The following KCNK13 variants were observed in gnomAD, a reference collection of about 807,000 sequenced individuals.
The protein encoded by KCNK13 is potassium channel subfamily K member 13.
In KCNK13, 12 loss-of-function variants were observed where a neutral mutation model predicts 23.4. That is an observed-to-expected ratio of 0.51 (90% confidence interval 0.33 to 0.83). KCNK13 has a LOEUF of 0.83. Ranked by LOEUF, KCNK13 falls within the 40% of genes least tolerant of loss-of-function variation. The pLI is 0.02. For missense variants in KCNK13, 463 were observed against 556.3 expected, an observed-to-expected ratio of 0.83 and a Z score of 1.69; for synonymous variants, 231 against 229.5, an observed-to-expected ratio of 1.01 and a Z score of -0.06.
Position 90,143,189 on chromosome 14 carries a change from TCTTTCTTTCTTTTCTTTCTTTTC to T in KCNK13, c.335-40921_335-40899del, listed in dbSNP as rs1566644787. ...TTTCTTTCTTTCTTTTCTTTTCTTT[TCTTTCTTTCTTTTCTTTCTTTTC>T]TTTTTTTTTTTTTGAGACAGGGTCT... On this transcript the variant is annotated intron_variant, in intron 1 of 1. Coordinates refer to ENST00000282146, the MANE Select transcript of KCNK13 (RefSeq NM_022054.4). 1.6e-3 allele frequency among the ~76,000 whole-genome samples: 209 copies of T among 133,138 alleles called. 4 individuals carry two copies. The highest frequency in any genetic ancestry group is 8.9e-3 in the East Asian group (41 of 4,608). The allele number at this position is 133,138 out of a possible 152,430, so 87.3% of individuals were successfully genotyped here.
At chr14:90,099,810 G>A (rs1889452956) in intron 1 of KCNK13, among the ~76,000 whole-genome samples, 1 of 152,174 alleles carries the variant, frequency 6.6e-6, no homozygotes, top group Non-Finnish European at 1.5e-5. Context: ...TCAAGGGGGA[G>A]GGTCCCAAAG....
chr14:90,170,873 C>G (rs1480624454), intron 1 of KCNK13, among the ~76,000 whole-genome samples: 2 of 152,128 alleles, frequency 1.3e-5, no homozygotes, highest in Non-Finnish European at 2.9e-5. Flanking sequence ...GATAAGCTAT[C>G]AATTTGCATT....
At chr14:90,099,930 A>G (rs1889454108) in intron 1 of KCNK13, among the ~76,000 whole-genome samples, 1 of 152,060 alleles carries the variant, frequency 6.6e-6, no homozygotes, top group South Asian at 2.1e-4. Context: ...TACACACAAA[A>G]CTCACATCTC....
chr14:90,120,410 CT>C (rs1889724987), intron 1 of KCNK13, among the ~76,000 whole-genome samples: 1 of 152,124 alleles, frequency 6.6e-6, no homozygotes, highest in Non-Finnish European at 1.5e-5. Flanking sequence ...GATTGGGTAA[CT>C]TATAAAGAAA....
intron 1 of KCNK13, among the ~76,000 whole-genome samples, chr14:90,178,957 G>A (rs1012993734): frequency 1.3e-5 from 2 of 152,238 alleles, no homozygotes; most frequent in African/African-American, 2.4e-5. Context: ...AAATGTGGGT[G>A]CAGCCTGTTG....
intron 1 of KCNK13, among the ~76,000 whole-genome samples, chr14:90,115,666 T>C (rs1889668306): frequency 6.6e-6 from 1 of 151,950 alleles, no homozygotes; most frequent in Non-Finnish European, 1.5e-5. Context: ...TAAATGAACA[T>C]GGATGGGTGG....
chr14:90,113,318 G>GA (rs1417615736), intron 1 of KCNK13, among the ~76,000 whole-genome samples: 1 of 152,128 alleles, frequency 6.6e-6, no homozygotes, highest in East Asian at 1.9e-4. Context: ...ATTCACTGAG[G>GA]AAAAGACGGT....
intron 1 of KCNK13, among the ~76,000 whole-genome samples, chr14:90,147,143 A>G (rs189789894): frequency 1.3e-5 from 2 of 152,154 alleles, no homozygotes; most frequent in African/African-American, 2.4e-5. Flanking sequence ...CTCTTATTTC[A>G]TATGTTTGTA....
At chr14:90,076,155 C>T (rs1360260968) in intron 1 of KCNK13, among the ~76,000 whole-genome samples, 1 of 152,258 alleles carries the variant, frequency 6.6e-6, no homozygotes, top group Non-Finnish European at 1.5e-5. Context: ...AGTACTGCTT[C>T]TTCAAAATGA....
chr14:90,112,307 C>T (rs1202245914), intron 1 of KCNK13, among the ~76,000 whole-genome samples: 2 of 152,218 alleles, frequency 1.3e-5, no homozygotes, highest in Non-Finnish European at 2.9e-5. Flanking sequence ...GATCATTTCA[C>T]TCACTTGACT....
chr14:90,140,908 C>G (rs1184059412), intron 1 of KCNK13, among the ~76,000 whole-genome samples: 1 of 152,154 alleles, frequency 6.6e-6, no homozygotes, highest in African/African-American at 2.4e-5. Context: ...GCAGAGGGGA[C>G]CTGAGCCCCC....
At chr14:90,065,191 T>G (rs1336105563) in intron 1 of KCNK13, among the ~76,000 whole-genome samples, 1 of 152,250 alleles carries the variant, frequency 6.6e-6, no homozygotes, top group East Asian at 1.9e-4. Context: ...CTTGCATTTT[T>G]ATTGTAACAT....
rs562568743 is a variant in KCNK13 at position 90,062,496 on chromosome 14, C to A, written c.291C>A (p.Phe97Leu). 170 of 1,537,602 alleles carry A rather than the reference C, an allele frequency of 1.1e-4. 4 individuals carry two copies. In the Admixed American group the frequency reaches 3.2e-3, roughly 29 times the overall value. The part of the protein sequence containing the change: ...RVDNVRPRWD[F>L]TGAFYFVGTV... The stretch of plus-strand genomic sequence containing the variant: ...ACAACGTCCGCCCGCGCTGGGACTT[C>A]ACCGGCGCCTTCTACTTCGTGGGCA... The change falls in exon 1 of 2, where the codon TTC becomes TTA. Residue 97 changes from phenylalanine to leucine, a missense_variant. This residue lies in a region of KCNK13 where 153 missense variants were observed against 153.6 expected (regional missense o/e 1.00). Transcript: ENST00000282146. The surrounding 1 kb of genome is among the most constrained non-coding windows in gnomAD (Gnocchi z 4.5).
chr14:90,178,173 A>C (rs1290881958), intron 1 of KCNK13, among the ~76,000 whole-genome samples: 1 of 146,246 alleles, frequency 6.8e-6, no homozygotes, highest in East Asian at 2.0e-4. Flanking sequence ...GACATGGTGA[A>C]CATCCATGTG....
intron 1 of KCNK13, among the ~76,000 whole-genome samples, chr14:90,070,308 C>T (rs1337393159): frequency 1.3e-5 from 2 of 152,136 alleles, no homozygotes; most frequent in Non-Finnish European, 2.9e-5. Context: ...AAATGAATCT[C>T]CTTATAATTA....
At chr14:90,126,038 G>C (rs1324906829) in intron 1 of KCNK13, among the ~76,000 whole-genome samples, 2 of 146,394 alleles carry the variant, frequency 1.4e-5, no homozygotes, top group African/African-American at 5.0e-5. Flanking sequence ...AAAAAAAAAA[G>C]TGGAATTGGA....
At chr14:90,103,975 C>G (rs1297107957) in intron 1 of KCNK13, among the ~76,000 whole-genome samples, 1 of 152,164 alleles carries the variant, frequency 6.6e-6, no homozygotes, top group Non-Finnish European at 1.5e-5. Context: ...CTCAGCAGCT[C>G]AGTGAGACAT....
Position 90,062,219 on chromosome 14 carries a change from GT to G in KCNK13, c.17del (p.Phe6SerfsTer8). ...GGGGGCCCGGCCATGGCTGGCCGGG[GT>G]TTCAGCTGGGGCCCGGGCCACCTGA... MAGR[G>X]FSWGPGHLNE... On this transcript the variant is annotated frameshift_variant, in exon 1 of 2. Transcript: ENST00000282146. LOFTEE classifies it high-confidence loss of function. This position sits in a 1 kb window ranked among gnomAD's most constrained non-coding sequence, Gnocchi z 4.5. The G allele has an allele frequency of 2.1e-6, 3 of 1,461,976 alleles. No individual in the cohort carries two copies. The highest frequency in any genetic ancestry group is 2.4e-5 in the Admixed American group (1 of 41,388). 90.6% of individuals were successfully genotyped at this position (1,461,976 alleles called of 1,614,324 possible).
intron 1 of KCNK13, among the ~76,000 whole-genome samples, chr14:90,085,726 AATAT>A (rs35904557): frequency 7.2e-6 from 1 of 139,808 alleles, no homozygotes; most frequent in African/African-American, 2.6e-5. Context: ...ACTTATATAT[AATAT>A]ATATATACTT....
Sources: gnomAD v4.1 joint callset for allele counts (sites outside exome capture counted in the v4.1 genomes callset) on GRCh38, gnomAD v4.1.1 for gene constraint, gnomAD v4.1.1 regional missense constraint, Gnocchi (gnomAD v3.1) non-coding constraint, MANE v1.5 for transcripts, NCBI Gene and HGNC (gene_info 2026-07-23, HGNC 2026-07-21) for gene names.